KAZN: variants seen among roughly 807,000 people sequenced by gnomAD.
The protein encoded by KAZN is kazrin.
Under a neutral mutation model 87.4 loss-of-function variants are expected in KAZN, and 40 were observed. The ratio of observed to expected loss-of-function variants is 0.46; its 90% CI spans 0.36 to 0.60. KAZN has a LOEUF of 0.60. Ranked by LOEUF, KAZN falls within the 20% of genes least tolerant of loss-of-function variation. The probability of loss-of-function intolerance (pLI) is 0.00; values close to 1 mark genes in which losing one functional copy is unlikely to be tolerated. For synonymous variants in KAZN, 466 were observed against 458.3 expected (o/e 1.02, Z -0.22); for missense variants, 898 against 1,073.9 (o/e 0.84, Z 2.29).
At chr1:14,815,537 A>G (rs1482565996) in intron 1 of KAZN, among the ~76,000 whole-genome samples, 2 of 152,222 alleles carry the variant, frequency 1.3e-5, no homozygotes, top group Non-Finnish European at 2.9e-5. Flanking sequence ...AGTGTTGATT[A>G]TGACAGATCT....
chr1:14,107,782 G>A (rs967429910), intron 1 of KAZN, among the ~76,000 whole-genome samples: 1 of 152,214 alleles, frequency 6.6e-6, no homozygotes, highest in African/African-American at 2.4e-5. Flanking sequence ...CCCAGGGAAA[G>A]TGTGCTTATT....
chr1:14,838,426 T>C (rs964492382), intron 1 of KAZN, among the ~76,000 whole-genome samples: 4 of 152,226 alleles, frequency 2.6e-5, no homozygotes, highest in African/African-American at 9.6e-5. Flanking sequence ...GGGCATGAGA[T>C]GAACTGGAAA....
intron 2 of KAZN, among the ~76,000 whole-genome samples, chr1:14,491,748 G>C (rs180937541): frequency 3.1e-4 from 47 of 152,160 alleles, no homozygotes; most frequent in Non-Finnish European, 5.4e-4. Flanking sequence ...AGTTCTGTGT[G>C]ATTATACCAT....
At chr1:14,688,611 A>G (rs957877093) in intron 1 of KAZN, among the ~76,000 whole-genome samples, 3 of 152,250 alleles carry the variant, frequency 2.0e-5, no homozygotes, top group Non-Finnish European at 4.4e-5. Flanking sequence ...GCAGCAAGGG[A>G]GGGGCTGTTC....
chr1:14,000,851 C>T (rs1473409798), intron 1 of KAZN, among the ~76,000 whole-genome samples: 3 of 151,232 alleles, frequency 2.0e-5, no homozygotes, highest in African/African-American at 7.3e-5. Flanking sequence ...GGCGGGATCT[C>T]GGCTCACTGC....
At chr1:14,133,744 C>T (rs1323194489) in intron 1 of KAZN, among the ~76,000 whole-genome samples, 4 of 152,254 alleles carry the variant, frequency 2.6e-5, no homozygotes, top group Non-Finnish European at 5.9e-5. Flanking sequence ...ATAATCCCAT[C>T]AAGCATGGAC....
intron 3 of KAZN, among the ~76,000 whole-genome samples, chr1:15,035,474 A>T (rs1297796516): frequency 6.6e-6 from 1 of 152,152 alleles, no homozygotes; most frequent in African/African-American, 2.4e-5. Flanking sequence ...GGGCCAGACA[A>T]CTGAGGAATT....
chr1:14,060,690 G>A (rs1048413761), intron 1 of KAZN, among the ~76,000 whole-genome samples: 3 of 152,274 alleles, frequency 2.0e-5, no homozygotes, highest in Middle Eastern at 3.4e-3. Context: ...AATGACTTGG[G>A]ATAACTTCTG....
intron 2 of KAZN, among the ~76,000 whole-genome samples, chr1:14,510,481 T>C (rs1241040758): frequency 1.3e-5 from 2 of 152,164 alleles, no homozygotes; most frequent in African/African-American, 2.4e-5. Context: ...TACTTTATAC[T>C]AAAACAAAGG....
intron 1 of KAZN, among the ~76,000 whole-genome samples, chr1:14,861,323 G>A (rs967114649): frequency 6.6e-5 from 10 of 152,312 alleles, no homozygotes; most frequent in Admixed American, 4.6e-4. Flanking sequence ...AGGTTGCAGC[G>A]AGCCAAGATT....
At chr1:14,138,649 C>T (rs1295054574) in intron 1 of KAZN, among the ~76,000 whole-genome samples, 1 of 152,182 alleles carries the variant, frequency 6.6e-6, no homozygotes, top group African/African-American at 2.4e-5. Flanking sequence ...ATCAGGTAGG[C>T]AATGGCGTAC....
intron 1 of KAZN, among the ~76,000 whole-genome samples, chr1:14,803,704 G>A (rs1200324582): frequency 6.6e-6 from 1 of 152,192 alleles, no homozygotes; most frequent in Non-Finnish European, 1.5e-5. Flanking sequence ...GGCACCTCCC[G>A]AGCCCTGCTC....
chr1:14,955,579 T>G (rs1237643937), intron 1 of KAZN, among the ~76,000 whole-genome samples: 3 of 152,226 alleles, frequency 2.0e-5, no homozygotes, highest in African/African-American at 7.2e-5. Context: ...ACTTGGCTCC[T>G]GCAGGTGCCG....
intron 2 of KAZN, among the ~76,000 whole-genome samples, chr1:15,001,870 CTTTTTTTTTTTTTTT>C (rs34948148): frequency 1.7e-5 from 1 of 57,754 alleles, no homozygotes; most frequent in African/African-American, 9.1e-5. Context: ...AAGTCAAAAT[CTTTTTTTTTTTTTTT>C]TTTTTTTTTT....
intron 2 of KAZN, among the ~76,000 whole-genome samples, chr1:14,315,826 A>G (rs953546339): frequency 2.6e-5 from 4 of 151,992 alleles, no homozygotes; most frequent in African/African-American, 9.7e-5. Context: ...GTTGTTTCCA[A>G]TTTATGGCTT....
chr1:14,386,733 G>C (rs2101070796), intron 2 of KAZN, among the ~76,000 whole-genome samples: 1 of 152,036 alleles, frequency 6.6e-6, no homozygotes, highest in South Asian at 2.1e-4. Flanking sequence ...CTTTCTCTCT[G>C]GCTGCCCTTA....
intron 1 of KAZN, among the ~76,000 whole-genome samples, chr1:14,918,169 G>T (rs1001097861): frequency 6.6e-6 from 1 of 152,146 alleles, no homozygotes; most frequent in Non-Finnish European, 1.5e-5. Flanking sequence ...GAGCCACTGC[G>T]TCTGGCCAAG....
intron 1 of KAZN, among the ~76,000 whole-genome samples, chr1:14,884,662 T>C (rs1367419538): frequency 6.6e-6 from 1 of 152,234 alleles, no homozygotes; most frequent in Non-Finnish European, 1.5e-5. Flanking sequence ...GAGGAGCTTG[T>C]TAATTTTAAT....
At chr1:14,068,169 A>G (rs1032519106) in intron 1 of KAZN, among the ~76,000 whole-genome samples, 1 of 152,168 alleles carries the variant, frequency 6.6e-6, no homozygotes, top group East Asian at 1.9e-4. Context: ...TGATGCAGAA[A>G]CAAACGAACA....
Sources: gnomAD v4.1 joint callset for allele counts (sites outside exome capture counted in the v4.1 genomes callset) on GRCh38, gnomAD v4.1.1 for gene constraint, MANE v1.5 for transcripts, NCBI Gene and HGNC (gene_info 2026-07-23, HGNC 2026-07-21) for gene names.